The following SNTG1 variants were observed in gnomAD, a reference collection of about 807,000 sequenced individuals.
The protein encoded by SNTG1 is syntrophin gamma 1.
Under a neutral mutation model 74.7 loss-of-function variants are expected in SNTG1, and 39 were observed. The ratio of observed to expected loss-of-function variants is 0.52; its 90% CI spans 0.40 to 0.68. The LOEUF (loss-of-function observed/expected upper bound fraction) is 0.68. Among genes scored for constraint, SNTG1 ranks in the 30% least tolerant of loss-of-function variants. SNTG1 has a pLI of 0.00. For missense variants in SNTG1, 685 were observed against 609.5 expected (o/e 1.12, Z -1.30); for synonymous variants, 254 against 217.1 (o/e 1.17, Z -1.49).
chr8:50,377,340 AC>A (rs2092405961), intron 2 of SNTG1, among the ~76,000 whole-genome samples: 2 of 152,224 alleles, frequency 1.3e-5, no homozygotes, highest in Admixed American at 1.3e-4. Flanking sequence ...GGAAAGTTTA[AC>A]AACTTCGTAC....
intron 1 of SNTG1, among the ~76,000 whole-genome samples, chr8:50,127,670 T>G (rs1207022198): frequency 2.0e-5 from 3 of 152,176 alleles, no homozygotes; most frequent in African/African-American, 7.2e-5. Flanking sequence ...CCACTCTTGT[T>G]GCTAGAATAA....
At chr8:50,701,797 CTCCTCT>C (rs1249028266) in intron 15 of SNTG1, among the ~76,000 whole-genome samples, 2 of 145,612 alleles carry the variant, frequency 1.4e-5, no homozygotes, top group African/African-American at 5.2e-5. Flanking sequence ...CCTCCTCCTC[CTCCTCT>C]TCTTCTTCTT....
intron 1 of SNTG1, among the ~76,000 whole-genome samples, chr8:50,136,720 C>A (rs1352575635): frequency 1.3e-5 from 2 of 152,020 alleles, no homozygotes; most frequent in African/African-American, 4.8e-5. Flanking sequence ...GCCTGAGCTG[C>A]AGGGGGCACA....
At chr8:50,392,794 C>G (rs986625523) in intron 2 of SNTG1, among the ~76,000 whole-genome samples, 1 of 152,056 alleles carries the variant, frequency 6.6e-6, no homozygotes, top group East Asian at 1.9e-4. Flanking sequence ...AGCACCTGCT[C>G]AAATGTGCCA....
At chr8:50,005,604 A>G (rs545198787) in intron 1 of SNTG1, among the ~76,000 whole-genome samples, 4 of 152,230 alleles carry the variant, frequency 2.6e-5, no homozygotes, top group Non-Finnish European at 5.9e-5. Flanking sequence ...ATACAAATAC[A>G]TAATTACATT....
At chr8:50,114,990 C>T (rs559627296) in intron 1 of SNTG1, among the ~76,000 whole-genome samples, 1 of 152,152 alleles carries the variant, frequency 6.6e-6, no homozygotes, top group Non-Finnish European at 1.5e-5. Flanking sequence ...TCATGTTGGA[C>T]ACCTTGAATA....
chr8:50,165,882 T>C (rs1032918677), intron 1 of SNTG1, among the ~76,000 whole-genome samples: 2 of 151,832 alleles, frequency 1.3e-5, no homozygotes, highest in Admixed American at 1.3e-4. Flanking sequence ...ACTACAAGGC[T>C]ACAGTAACCA....
At chr8:50,321,457 A>T (rs2090526280) in intron 2 of SNTG1, among the ~76,000 whole-genome samples, 2 of 152,162 alleles carry the variant, frequency 1.3e-5, no homozygotes, top group East Asian at 3.9e-4. Context: ...TAGGCAACAG[A>T]TTATTGGGTC....
chr8:50,636,260 G>A (rs1372889616), intron 13 of SNTG1, among the ~76,000 whole-genome samples: 2 of 151,558 alleles, frequency 1.3e-5, no homozygotes, highest in Admixed American at 1.3e-4. Context: ...AGGACAGATG[G>A]TGCAGGCACT....
Position 50,107,138 on chromosome 8 carries a change from T to C in SNTG1, c.-102-65423T>C, listed in dbSNP as rs191319671. ...CTCAAGGAAGGGAATGCAGTTAATG[T>C]CCACTAAAGTAAGTTTTCTTGAATG... On this transcript the variant is annotated intron_variant, in intron 1 of 18. Coordinates refer to ENST00000642720, the MANE Select transcript of SNTG1 (RefSeq NM_018967.5). Among the ~76,000 whole-genome samples the C allele has an allele frequency of 1.4e-3, 215 of 152,306 alleles. 1 individual carries two copies. The highest frequency in any genetic ancestry group is 5.0e-3 in the African/African-American group (207 of 41,580).
chr8:50,375,480 G>C (rs192810308), intron 2 of SNTG1, among the ~76,000 whole-genome samples: 2 of 152,202 alleles, frequency 1.3e-5, no homozygotes, highest in East Asian at 3.9e-4. Context: ...AGCTGTGGGA[G>C]GGGTGCTGAG....
chr8:50,190,623 T>C (rs2083537190), intron 2 of SNTG1, among the ~76,000 whole-genome samples: 1 of 152,112 alleles, frequency 6.6e-6, no homozygotes, highest in South Asian at 2.1e-4. Context: ...TAACAGAAAA[T>C]ACTCTCTTTC....
chr8:50,545,561 A>G (rs1298363987), intron 11 of SNTG1, among the ~76,000 whole-genome samples: 2 of 150,324 alleles, frequency 1.3e-5, no homozygotes, highest in African/African-American at 4.9e-5. Context: ...AGCATACTTT[A>G]TGGCTGAAAG....
intron 18 of SNTG1, among the ~76,000 whole-genome samples, chr8:50,789,300 G>T (rs1374875453): frequency 1.3e-5 from 2 of 151,784 alleles, no homozygotes; most frequent in East Asian, 3.9e-4. Flanking sequence ...CACTTTCTTG[G>T]CAACTACAGC....
At chr8:50,129,740 G>A (rs137899707) in intron 1 of SNTG1, among the ~76,000 whole-genome samples, 1 of 152,156 alleles carries the variant, frequency 6.6e-6, no homozygotes, top group Non-Finnish European at 1.5e-5. Flanking sequence ...TGCAAATACA[G>A]CAGGAAAAAG....
chr8:49,928,205 GTGAAGA>G (rs1807217651), intron 1 of SNTG1, among the ~76,000 whole-genome samples: 1 of 132,002 alleles, frequency 7.6e-6, no homozygotes, highest in African/African-American at 2.9e-5. Flanking sequence ...TGGACTTTGG[GTGAAGA>G]TGTGTCCATG....
intron 8 of SNTG1, among the ~76,000 whole-genome samples, chr8:50,462,417 A>G (rs1025067353): frequency 3.7e-5 from 5 of 136,612 alleles, no homozygotes; most frequent in Admixed American, 2.3e-4. Context: ...GTTGATGACT[A>G]CTGACTGATT....
intron 17 of SNTG1, among the ~76,000 whole-genome samples, chr8:50,719,402 A>C (rs1779887631): frequency 6.6e-6 from 1 of 152,106 alleles, no homozygotes; most frequent in African/African-American, 2.4e-5. Context: ...CGAAGCAGAG[A>C]ATGACCTTTC....
intron 1 of SNTG1, among the ~76,000 whole-genome samples, chr8:49,935,286 A>C (rs905717229): frequency 6.6e-6 from 1 of 150,454 alleles, no homozygotes; most frequent in South Asian, 2.1e-4. Context: ...ACATCTTCTT[A>C]GAAGAAATGT....
Sources: gnomAD v4.1 joint callset for allele counts (sites outside exome capture counted in the v4.1 genomes callset) on GRCh38, gnomAD v4.1.1 for gene constraint, MANE v1.5 for transcripts, NCBI Gene and HGNC (gene_info 2026-07-23, HGNC 2026-07-21) for gene names.